Variants in RANBP2 observed in about 807,000 individuals in gnomAD.
The protein encoded by RANBP2 is E3 SUMO-protein ligase RanBP2.
A neutral mutation model predicts 303.6 loss-of-function variants in RANBP2; 57 were observed. The ratio of observed to expected loss-of-function variants is 0.19; its 90% confidence interval spans 0.15 to 0.23. RANBP2 has a LOEUF of 0.23. Ranked by LOEUF, RANBP2 falls within the 10% of genes least tolerant of loss-of-function variation. The pLI is 1.00. For synonymous variants in RANBP2, 1,167 were observed against 1,301.5 expected, an observed-to-expected ratio of 0.90 and a Z score of 2.23; for missense variants, 3,138 against 3,780.8, an observed-to-expected ratio of 0.83 and a Z score of 4.46.
At chr2:108,839,294 G>C in the RANBP2 span, 5 of 1,609,704 alleles carry the variant, frequency 3.1e-6, no homozygotes, top group Middle Eastern at 5.0e-4. Flanking sequence ...CTAGATGCTG[G>C]AGCACAGGTA....
chr2:108,996,906 G>A, the RANBP2 span, among the ~76,000 whole-genome samples: 1 of 152,130 alleles, frequency 6.6e-6, no homozygotes, highest in Non-Finnish European at 1.5e-5. Context: ...AGGAGCAAAG[G>A]CTTGGATGAG....
At chr2:109,185,133 G>A in the RANBP2 span, among the ~76,000 whole-genome samples, 1 of 152,190 alleles carries the variant, frequency 6.6e-6, no homozygotes, top group Non-Finnish European at 1.5e-5. Flanking sequence ...TTTGTAGACA[G>A]TTTGGATTGC....
At chr2:108,977,121 GC>G in the RANBP2 span, among the ~76,000 whole-genome samples, 3,865 of 152,210 alleles carry the variant, frequency 0.025, 96 homozygotes, top group African/African-American at 0.063. Context: ...GATTCCAGTG[GC>G]CCCCACTGGC....
the RANBP2 span, among the ~76,000 whole-genome samples, chr2:109,380,639 T>C: frequency 2.0e-5 from 3 of 152,194 alleles, no homozygotes; most frequent in Admixed American, 1.3e-4. Flanking sequence ...GACCGCAGCC[T>C]GAGTGGCTCA....
At chr2:109,071,914 T>G in the RANBP2 span, among the ~76,000 whole-genome samples, 1 of 152,054 alleles carries the variant, frequency 6.6e-6, no homozygotes, top group African/African-American at 2.4e-5. Flanking sequence ...GAGATGTCAA[T>G]AGGAGGAAAA....
At chr2:109,276,736 A>G in the RANBP2 span, among the ~76,000 whole-genome samples, 2 of 152,182 alleles carry the variant, frequency 1.3e-5, no homozygotes, top group African/African-American at 4.8e-5. Context: ...CTTTTGTGAT[A>G]CCTCAGCCTT....
chr2:109,584,301 A>AC, the RANBP2 span, among the ~76,000 whole-genome samples: 134,924 of 151,716 alleles, frequency 0.89, 60,071 homozygotes, highest in Middle Eastern at 0.97. Context: ...ACAAGGTGAA[A>AC]CCCGTCTCTA....
At chr2:108,823,470 A>G in the RANBP2 span, among the ~76,000 whole-genome samples, 2 of 152,332 alleles carry the variant, frequency 1.3e-5, no homozygotes, top group East Asian at 1.9e-4. Flanking sequence ...TTGTTAGGTG[A>G]CTTTTTGTGC....
chr2:109,236,193 G>A, the RANBP2 span, among the ~76,000 whole-genome samples: 3 of 152,330 alleles, frequency 2.0e-5, no homozygotes, highest in East Asian at 5.8e-4. Context: ...AAACTTTCTG[G>A]AAGTGAAAAC....
At chr2:108,733,307 C>G (rs1303129237) in intron 4 of RANBP2, among the ~76,000 whole-genome samples, 11 of 134,350 alleles carry the variant, frequency 8.2e-5, no homozygotes, top group Non-Finnish European at 1.5e-5. Flanking sequence ...GCTTAGTCAC[C>G]CATGCTGGAG....
the RANBP2 span, among the ~76,000 whole-genome samples, chr2:109,258,431 C>T: frequency 6.6e-6 from 1 of 152,190 alleles, no homozygotes; most frequent in African/African-American, 2.4e-5. Flanking sequence ...GGCTTTGTCA[C>T]CTCCTGGGTA....
the RANBP2 span, among the ~76,000 whole-genome samples, chr2:109,581,859 C>G: frequency 6.6e-6 from 1 of 152,116 alleles, no homozygotes; most frequent in Admixed American, 6.6e-5. Context: ...AAAAGGCATC[C>G]AAATAGGAAA....
At chr2:109,449,083 G>A in the RANBP2 span, 1 of 1,460,842 alleles carries the variant, frequency 6.8e-7, no homozygotes, top group Non-Finnish European at 9.3e-7. Context: ...CGAGAAGGGA[G>A]CCTGAGTGTG....
the RANBP2 span, among the ~76,000 whole-genome samples, chr2:109,353,759 G>A: frequency 6.6e-6 from 1 of 152,336 alleles, no homozygotes; most frequent in South Asian, 2.1e-4. Flanking sequence ...GTGGAGACAA[G>A]ACGAGAGAGT....
chr2:109,369,897 T>C, the RANBP2 span, among the ~76,000 whole-genome samples: 10 of 152,244 alleles, frequency 6.6e-5, no homozygotes, highest in African/African-American at 2.2e-4. Context: ...CCCGAATTGC[T>C]GCTTTGTGTT....
the RANBP2 span, among the ~76,000 whole-genome samples, chr2:108,963,031 A>G: frequency 6.6e-6 from 1 of 152,140 alleles, no homozygotes; most frequent in East Asian, 1.9e-4. Flanking sequence ...ATTGAACTGA[A>G]CAAAATCTGG....
At chr2:109,224,539 C>T in the RANBP2 span, among the ~76,000 whole-genome samples, 2 of 152,102 alleles carry the variant, frequency 1.3e-5, no homozygotes, top group African/African-American at 4.8e-5. Context: ...TGAATGTGGC[C>T]GGCGTGGCTC....
the RANBP2 span, among the ~76,000 whole-genome samples, chr2:108,818,278 G>C: frequency 6.6e-6 from 1 of 152,182 alleles, no homozygotes; most frequent in East Asian, 1.9e-4. Flanking sequence ...CTGTACTCCA[G>C]CCTGGGCAAC....
At chr2:109,703,323 A>G in the RANBP2 span, among the ~76,000 whole-genome samples, 1 of 152,228 alleles carries the variant, frequency 6.6e-6, no homozygotes, top group Non-Finnish European at 1.5e-5. Context: ...TGCAACTCTA[A>G]TCGAATAGCA....
Sources: gnomAD v4.1 joint callset for allele counts (sites outside exome capture counted in the v4.1 genomes callset) on GRCh38, gnomAD v4.1.1 for gene constraint, MANE v1.5 for transcripts, NCBI Gene and HGNC (gene_info 2026-07-23, HGNC 2026-07-21) for gene names.